Variants in DYNLT3 observed in about 807,000 individuals in gnomAD.
The protein encoded by DYNLT3 is protein 91/23.
In DYNLT3, 4 loss-of-function variants were observed where a neutral mutation model predicts 11.0. The observed-to-expected ratio is 0.36, with a 90% CI of 0.18 to 0.83. DYNLT3 has a LOEUF of 0.83. Ranked by LOEUF, DYNLT3 falls within the 40% of genes least tolerant of loss-of-function variation. DYNLT3 has a pLI of 0.47. For synonymous variants in DYNLT3, 37 were observed against 31.2 expected, an observed-to-expected ratio of 1.18 and a Z score of -0.61; for missense variants, 91 against 91.1, an observed-to-expected ratio of 1.00 and a Z score of 0.01.
chrX:37,843,765 CAG>C (rs1460691607), intron 2 of DYNLT3, among the ~76,000 whole-genome samples: 2 of 111,006 alleles, frequency 1.8e-5, no homozygotes, highest in Non-Finnish European at 3.8e-5. Flanking sequence ...CATAGGGGCT[CAG>C]AGCAAGAAAT....
At position 37,839,432 on chromosome X, in the gene DYNLT3, C is replaced by CT. The variant is rs1009803657; in HGVS notation, c.*1142dup. On this transcript the variant is annotated 3_prime_UTR_variant, in exon 5 of 5. Transcript: ENST00000378578. ...AAGGATTGTATACTTTTAATCTATA[C>CT]TTTATTCCACTCAATTTGAACCCCA... 1 of 112,106 alleles carries CT rather than the reference C, an allele frequency of 8.9e-6. No homozygotes were observed. The highest frequency in any genetic ancestry group is 3.2e-5 in the African/African-American group (1 of 30,792). 9.2% of individuals were successfully genotyped at this position (112,106 alleles called of 1,213,427 possible).
In DYNLT3 at chrX:37,841,841, C is replaced by G; in HGVS notation, c.137G>C (p.Ser46Thr). The G allele has an allele frequency of 2.5e-6, 3 of 1,176,735 alleles. No individual in the cohort carries two copies. Among genetic ancestry groups the G allele is most frequent in the Non-Finnish European group, 3.4e-6 (3 of 871,624 alleles). The stretch of plus-strand genomic sequence containing the variant: ...GTGTGTTAAGGATTGTTCCACTATG[C>G]TTGCAGTCCACTGGTTGATGTTGTT... Reference protein sequence around the residue: ...NHNNINQWTASIVEQSLTHLV... With the variant: ...NHNNINQWTATIVEQSLTHLV... The change falls in exon 3 of 5, where the codon AGC (serine) becomes ACC (threonine). Residue 46 changes from serine (S) to threonine (T), a missense_variant. Transcript: ENST00000378578.
At chrX:37,841,513 A>T (rs984661108) in intron 3 of DYNLT3, among the ~76,000 whole-genome samples, 8 of 111,351 alleles carry the variant, frequency 7.2e-5, no homozygotes, top group African/African-American at 2.3e-4. Context: ...CAGTTGAGCT[A>T]AGGGGGGGTC....
At chrX:37,846,989 G>T in intron 1 of DYNLT3, 9 of 1,165,225 alleles carry the variant, frequency 7.7e-6, no homozygotes, top group Non-Finnish European at 1.0e-5. Context: ...GAGTCAGTAA[G>T]CAAGGGCTCG....
At chrX:37,847,391 G>T in intron 1 of DYNLT3, 90 bp downstream of exon 1, 1 of 998,846 alleles carries the variant, frequency 1.0e-6, no homozygotes. Context: ...CAACTCTTGG[G>T]ACCGCCCTCG....
At chrX:37,840,713 T>C in intron 4 of DYNLT3, 62 bp from the exon 5 acceptor site, 2 of 667,550 alleles carry the variant, frequency 3.0e-6, no homozygotes, top group Non-Finnish European at 4.4e-6. Context: ...AGAGAATATA[T>C]ATATATATAT....
Position 37,839,291 on chromosome X carries a change from T to C in DYNLT3, c.*1284A>G, listed in dbSNP as rs1930098039. 8.9e-6 allele frequency: 1 copy of C among 112,030 alleles called. No homozygotes were observed. Among genetic ancestry groups the C allele is most frequent in the Admixed American group, 9.5e-5 (1 of 10,529 alleles). The allele number at this position is 112,030 out of a possible 1,213,427, so 9.2% of individuals were successfully genotyped here. On this transcript the variant is annotated 3_prime_UTR_variant, in exon 5 of 5. Transcript: ENST00000378578. ...TGGTAATATGCAAAACTGATTTTGTTTTCAGGGTTAAGTAGCAGATTGACT... is the reference window on the plus strand; with the variant it reads ...TGGTAATATGCAAAACTGATTTTGTCTTCAGGGTTAAGTAGCAGATTGACT...
At chrX:37,845,781 C>T (rs2146836254) in intron 2 of DYNLT3, among the ~76,000 whole-genome samples, 1 of 112,563 alleles carries the variant, frequency 8.9e-6, no homozygotes, top group East Asian at 2.8e-4. Flanking sequence ...CTAAGAAAAT[C>T]CTTAAGCATC....
rs561368114 is a variant in DYNLT3 at position 37,842,691 on chromosome X, T to C, written c.73-786A>G. On this transcript the variant is annotated intron_variant, in intron 2 of 4. Coordinates refer to ENST00000378578, the MANE Select transcript of DYNLT3 (RefSeq NM_006520.3). ...AAGTGACTTAACCCCTTCAAATCCC[T>C]ATTTTCCTAATCCTTATAGTAAGGA... Among the ~76,000 whole-genome samples, 20 of 111,867 alleles carry C rather than the reference T, an allele frequency of 1.8e-4. No homozygotes were observed. The South Asian group carries it at 7.4e-3, about 41-fold the overall frequency.
rs1467336760 is a variant in DYNLT3, at chrX:37,839,951, ATT to A, written c.*622_*623del. 4.4e-5 allele frequency: 5 copies of A among 112,375 alleles called. 1 individual carries two copies. The highest frequency in any genetic ancestry group is 9.7e-5 in the African/African-American group (3 of 30,893). The allele number at this position is 112,375 out of a possible 1,213,427, so 9.3% of individuals were successfully genotyped here. A position where few individuals can be genotyped will look rare whatever the true frequency, so the allele number is the denominator to read the frequency against. On this transcript the variant is annotated 3_prime_UTR_variant, in exon 5 of 5. Transcript: ENST00000378578. ...TTAACTAGGAAATTCAGTTTACCAG[ATT>A]TAATTTACCCTCAAGTGTAAATCCA...
At position 37,841,892 on chromosome X, in the gene DYNLT3, AC is replaced by A; in HGVS notation, c.85del (p.Val29PhefsTer2). The A allele has an allele frequency of 8.9e-7, 1 of 1,126,985 alleles. No homozygotes were observed. The highest frequency in any genetic ancestry group is 1.2e-6 in the Non-Finnish European group (1 of 840,806). The allele number at this position is 1,126,985 out of a possible 1,213,427, so 92.9% of individuals were successfully genotyped here. A position where few individuals can be genotyped will look rare whatever the true frequency, so the allele number is the denominator to read the frequency against. On this transcript the variant is annotated frameshift_variant, in exon 3 of 5. Transcript: ENST00000378578. LOFTEE classifies it high-confidence loss of function. The stretch of plus-strand genomic sequence containing the variant: ...GTGATTATAATCTTCACCACCTAAA[AC>A]CCCATCTACACACTAAAAGGGCACA... Reference protein sequence around the residue: ...HNIVKECVDGVLGGEDYNHNN... With the variant: ...HNIVKECVDGXLGGEDYNHNN...
Position 37,847,540 on chromosome X carries a change from G to C in DYNLT3, c.-30C>G, listed in dbSNP as rs1298453536. The C allele has an allele frequency of 6.2e-6, 6 of 964,868 alleles. No individual in the cohort carries two copies. The highest frequency in any genetic ancestry group is 6.1e-5 in the African/African-American group (3 of 49,372). 79.5% of individuals were successfully genotyped at this position (964,868 alleles called of 1,213,427 possible). A position where few individuals can be genotyped will look rare whatever the true frequency, so the allele number is the denominator to read the frequency against. Reference sequence around the variant, plus strand: ...GCGCCGGCTCTCCCTGGGGCGGAGCGACACGCCGGTAGAGCACCGCGGCCG... The same window carrying C: ...GCGCCGGCTCTCCCTGGGGCGGAGCCACACGCCGGTAGAGCACCGCGGCCG... On this transcript the variant is annotated 5_prime_UTR_variant, in exon 1 of 5. Coordinates refer to ENST00000378578, the MANE Select transcript of DYNLT3 (RefSeq NM_006520.3).
intron 2 of DYNLT3, 122 bp downstream of exon 2, chrX:37,846,190 TAAAAC>T: frequency 1.4e-6 from 1 of 715,220 alleles, no homozygotes; most frequent in Non-Finnish European, 2.0e-6. Context: ...TAAAATAAAA[TAAAAC>T]AAAACAAAAT....
chrX:37,842,857 G>C (rs750735719), intron 2 of DYNLT3, among the ~76,000 whole-genome samples: 2 of 111,854 alleles, frequency 1.8e-5, no homozygotes, highest in East Asian at 2.8e-4. Flanking sequence ...TTTTATATTT[G>C]AGTGATAAAG....
At chrX:37,847,161 C>T in intron 1 of DYNLT3, 1 of 1,132,893 alleles carries the variant, frequency 8.8e-7, no homozygotes, top group Non-Finnish European at 1.2e-6. Context: ...TTTTCGAGGC[C>T]CGCCCGGTAG....
At chrX:37,844,309 G>A (rs1404739612) in intron 2 of DYNLT3, among the ~76,000 whole-genome samples, 1 of 111,201 alleles carries the variant, frequency 9.0e-6, no homozygotes, top group Non-Finnish European at 1.9e-5. Flanking sequence ...AGCTTAGAAT[G>A]AAGAGTTTCC....
chrX:37,844,305 G>C (rs1930226783), intron 2 of DYNLT3, among the ~76,000 whole-genome samples: 1 of 98,833 alleles, frequency 1.0e-5, no homozygotes, highest in African/African-American at 5.1e-5. Context: ...GAAAAGCTTA[G>C]AATGAAGAGT....
At chrX:37,843,066 G>A (rs1930202454) in intron 2 of DYNLT3, among the ~76,000 whole-genome samples, 1 of 111,806 alleles carries the variant, frequency 8.9e-6, no homozygotes. Context: ...ATCTTAAGTT[G>A]GATAGTATAA....
chrX:37,847,442 G>C, intron 1 of DYNLT3, 39 bp downstream of exon 1: 1 of 1,002,230 alleles, frequency 1.0e-6, no homozygotes, highest in South Asian at 4.0e-5. Flanking sequence ...AGAGGAAGGC[G>C]GGAGTGGGGG....
Sources: allele counts gnomAD v4.1 joint callset (sites outside exome capture counted in the v4.1 genomes callset), GRCh38; gene constraint gnomAD v4.1.1; transcripts MANE v1.5; gene names NCBI Gene and HGNC (gene_info 2026-07-23, HGNC 2026-07-21).